IFT56: variants seen among roughly 807,000 people sequenced by gnomAD.
IFT56 encodes intraflagellar transport protein 56.
the IFT56 span, chr7:139,179,604 A>G: frequency 1.1e-5 from 18 of 1,613,890 alleles, no homozygotes; most frequent in Non-Finnish European, 1.3e-5. Context: ...TGAGAAGATG[A>G]AAAATGATTA....
the IFT56 span, among the ~76,000 whole-genome samples, chr7:139,187,866 T>G: frequency 6.7e-6 from 1 of 148,758 alleles, no homozygotes; most frequent in African/African-American, 2.5e-5. Context: ...GGCAAAGTGT[T>G]TTTTTTTTTT....
chr7:139,187,553 C>A, the IFT56 span: 1 of 1,613,488 alleles, frequency 6.2e-7, no homozygotes, highest in Non-Finnish European at 8.5e-7. Flanking sequence ...AGTAAACAGG[C>A]AAGAAATACT....
chr7:139,188,386 C>T, the IFT56 span, among the ~76,000 whole-genome samples: 18 of 152,252 alleles, frequency 1.2e-4, no homozygotes, highest in Admixed American at 9.8e-4. Flanking sequence ...CAGGCATGAG[C>T]CACCATGCCC....
chr7:139,173,129 G>C, the IFT56 span: 2 of 681,672 alleles, frequency 2.9e-6, no homozygotes, highest in Non-Finnish European at 5.4e-6. Flanking sequence ...GGCATGGATG[G>C]ATTCAACAAA....
At chr7:139,169,521 C>T in the IFT56 span, among the ~76,000 whole-genome samples, 9 of 152,204 alleles carry the variant, frequency 5.9e-5, no homozygotes, top group Admixed American at 2.0e-4. Context: ...AACATCTCAG[C>T]GAAAGTGGGA....
the IFT56 span, chr7:139,165,376 G>T: frequency 3.4e-6 from 2 of 585,374 alleles, no homozygotes; most frequent in Non-Finnish European, 5.9e-6. Context: ...AAGTTTATTG[G>T]TGGTTATTTG....
At chr7:139,150,130 G>A in the IFT56 span, among the ~76,000 whole-genome samples, 2 of 152,080 alleles carry the variant, frequency 1.3e-5, no homozygotes, top group Non-Finnish European at 2.9e-5. Flanking sequence ...ATACACTTGA[G>A]CACATAGTAT....
the IFT56 span, among the ~76,000 whole-genome samples, chr7:139,154,719 C>A: frequency 1.3e-5 from 2 of 152,034 alleles, no homozygotes; most frequent in East Asian, 3.8e-4. Flanking sequence ...ACATTAATAC[C>A]ACACTATCTT....
At chr7:139,158,627 C>G in the IFT56 span, among the ~76,000 whole-genome samples, 1 of 151,932 alleles carries the variant, frequency 6.6e-6, no homozygotes, top group African/African-American at 2.4e-5. Context: ...GTTAAATCAA[C>G]TTTAGGCTGG....
At chr7:139,154,146 T>C in the IFT56 span, among the ~76,000 whole-genome samples, 1 of 152,178 alleles carries the variant, frequency 6.6e-6, no homozygotes, top group Non-Finnish European at 1.5e-5. Context: ...TGTAGAAATG[T>C]CTATTTAAGT....
At chr7:139,165,157 C>A in the IFT56 span, 3 of 1,613,444 alleles carry the variant, frequency 1.9e-6, no homozygotes, top group Admixed American at 3.3e-5. Flanking sequence ...GGTGAAGGGG[C>A]TTTGCAGGTT....
the IFT56 span, chr7:139,133,910 G>A: frequency 4.3e-6 from 7 of 1,611,168 alleles, no homozygotes; most frequent in Non-Finnish European, 5.9e-6. Context: ...TCCTGAGGCT[G>A]GCGATTAGAG....
the IFT56 span, among the ~76,000 whole-genome samples, chr7:139,136,067 G>A: frequency 1.3e-5 from 2 of 152,116 alleles, no homozygotes; most frequent in African/African-American, 4.8e-5. Context: ...GGGATTAGAA[G>A]TGCCTGCCAC....
chr7:139,134,697 C>T, the IFT56 span: 2 of 1,613,908 alleles, frequency 1.2e-6, no homozygotes, highest in African/African-American at 1.3e-5. Flanking sequence ...AGGCGTACAG[C>T]ACACTGACAA....
At chr7:139,178,200 C>T in the IFT56 span, 1 of 1,597,900 alleles carries the variant, frequency 6.3e-7, no homozygotes, top group South Asian at 1.1e-5. Flanking sequence ...GGGTTTTTTT[C>T]CCCTCCGTTT....
chr7:139,182,668 A>G, the IFT56 span, among the ~76,000 whole-genome samples: 2 of 152,188 alleles, frequency 1.3e-5, no homozygotes, highest in Non-Finnish European at 1.5e-5. Context: ...ACAGCCAAGT[A>G]TGAGAGAGAA....
At chr7:139,185,208 A>G in the IFT56 span, among the ~76,000 whole-genome samples, 3 of 151,996 alleles carry the variant, frequency 2.0e-5, no homozygotes, top group Non-Finnish European at 4.4e-5. Flanking sequence ...GTCCAAAAAA[A>G]AAGAGTAATT....
chr7:139,142,170 AAGATTCATCCG>A, the IFT56 span: 1 of 1,401,292 alleles, frequency 7.1e-7, no homozygotes, highest in African/African-American at 1.4e-5. Context: ...AAGGTTTGGG[AAGATTCATCCG>A]AGTCTCATTT....
chr7:139,174,240 G>A, the IFT56 span: 2 of 586,844 alleles, frequency 3.4e-6, no homozygotes, highest in East Asian at 9.1e-5. Flanking sequence ...TGCCTTTTTT[G>A]TCTTTCCCAA....
Sources: allele counts gnomAD v4.1 joint callset (sites outside exome capture counted in the v4.1 genomes callset), GRCh38; gene constraint gnomAD v4.1.1; transcripts MANE v1.5; gene names NCBI Gene and HGNC (gene_info 2026-07-23, HGNC 2026-07-21).